The following GLT6D1 variants were observed in gnomAD, a reference collection of about 807,000 sequenced individuals.
GLT6D1 encodes the protein glycosyltransferase 6 domain containing 1.
In GLT6D1, 9 loss-of-function variants were observed where a neutral mutation model predicts 12.3. That is an observed-to-expected ratio of 0.73 (90% CI 0.44 to 1.27). GLT6D1 has a LOEUF of 1.27. Ranked by LOEUF, GLT6D1 falls within the 50% of genes most tolerant of loss-of-function variation. The probability of loss-of-function intolerance (pLI) is 0.00; values close to 1 mark genes in which losing one functional copy is unlikely to be tolerated. For missense variants in GLT6D1, 335 were observed against 346.2 expected, an observed-to-expected ratio of 0.97 and a Z score of 0.26; for synonymous variants, 128 against 132.3, an observed-to-expected ratio of 0.97 and a Z score of 0.23.
intron 3 of GLT6D1, among the ~76,000 whole-genome samples, chr9:135,631,113 G>T (rs1833635932): frequency 6.6e-6 from 1 of 152,160 alleles, no homozygotes; most frequent in Non-Finnish European, 1.5e-5. Context: ...AAAGGATGAG[G>T]CTGCCCCTGA....
chr9:135,636,792 C>A (rs1351570120), intron 2 of GLT6D1, among the ~76,000 whole-genome samples: 1 of 152,182 alleles, frequency 6.6e-6, no homozygotes, highest in African/African-American at 2.4e-5. Context: ...GCTTTTTGCA[C>A]TCAGCAATAT....
At chr9:135,630,248 A>C (rs1833610317) in intron 3 of GLT6D1, among the ~76,000 whole-genome samples, 1 of 151,574 alleles carries the variant, frequency 6.6e-6, no homozygotes, top group African/African-American at 2.4e-5. Flanking sequence ...TACTAAAAAT[A>C]CAAAAAAATT....
chr9:135,636,922 A>G (rs2184097), intron 2 of GLT6D1, among the ~76,000 whole-genome samples: 74,976 of 151,674 alleles, frequency 0.49, 19,289 homozygotes, highest in Middle Eastern at 0.62. Flanking sequence ...GCGTGATCTC[A>G]GCTCACCGCA....
chr9:135,630,640 A>T (rs1355554751), intron 3 of GLT6D1, among the ~76,000 whole-genome samples: 1 of 151,344 alleles, frequency 6.6e-6, no homozygotes, highest in Non-Finnish European at 1.5e-5. Flanking sequence ...GAATCACTTG[A>T]CCCAGGAGGC....
At chr9:135,629,170 A>G (rs4298556) in intron 3 of GLT6D1, among the ~76,000 whole-genome samples, 148,032 of 152,184 alleles carry the variant, frequency 0.97, 72,135 homozygotes, top group South Asian at 1. Context: ...AGCCTGGTCA[A>G]CACAGCAAGA....
upstream of GLT6D1, among the ~76,000 whole-genome samples, chr9:135,640,013 A>T (rs1476399227): frequency 6.6e-6 from 1 of 152,022 alleles, no homozygotes; most frequent in Non-Finnish European, 1.5e-5. Flanking sequence ...GGGTTTCATC[A>T]TGTTGGCCAG....
chr9:135,630,140 T>C (rs1165191518), intron 3 of GLT6D1, among the ~76,000 whole-genome samples: 1 of 151,796 alleles, frequency 6.6e-6, no homozygotes, highest in Non-Finnish European at 1.5e-5. Flanking sequence ...GCGTGGTGGC[T>C]CACACCTGTA....
upstream of GLT6D1, among the ~76,000 whole-genome samples, chr9:135,640,469 C>T (rs1300146884): frequency 6.6e-6 from 1 of 151,908 alleles, no homozygotes; most frequent in Non-Finnish European, 1.5e-5. Context: ...ACCTGTAATC[C>T]CAGCACTTTG....
Position 135,624,048 on chromosome 9 carries a change from G to C in GLT6D1, c.*49C>G. On this transcript the variant is annotated 3_prime_UTR_variant, in exon 5 of 5. Transcript: ENST00000371763. ...TGTGCGACCTTGACGTATTGGATCT[G>C]TGGAGGAGGAGAAAATGCAAGATCC... 8.6e-7 allele frequency: 1 copy of C among 1,164,542 alleles called. No homozygotes were observed. The highest frequency in any genetic ancestry group is 1.3e-6 in the Non-Finnish European group (1 of 789,904). 72.1% of individuals were successfully genotyped at this position (1,164,542 alleles called of 1,614,324 possible).
intron 3 of GLT6D1, among the ~76,000 whole-genome samples, chr9:135,626,964 A>C (rs1833536403): frequency 6.6e-6 from 1 of 152,208 alleles, no homozygotes; most frequent in Non-Finnish European, 1.5e-5. Context: ...ATTCATGATA[A>C]AAGCTCCCAG....
At chr9:135,639,230 AT>A in intron 1 of GLT6D1, 37 bp from the exon 2 acceptor site, 1 of 1,177,574 alleles carries the variant, frequency 8.5e-7, no homozygotes, top group Non-Finnish European at 1.3e-6. Flanking sequence ...ATTTTAAGCA[AT>A]AAAAAATGAC....
rs771846959 is a variant in GLT6D1 at position 135,624,610 on chromosome 9, G to C, written c.318C>G (p.Gly106=). The change falls in exon 5 of 5, where the codon GGC becomes GGG. Residue 106 remains glycine, a synonymous_variant. Transcript: ENST00000371763. Reference sequence around the variant, plus strand: ...CCATGATGTAGAAGATCACTCGGTAGCCTGTCATGAAGTGCTTATTTGCGG... The same window carrying C: ...CCATGATGTAGAAGATCACTCGGTACCCTGTCATGAAGTGCTTATTTGCGG... ...LHSANKHFMT[G]YRVIFYIMVD... 6.2e-7 allele frequency: 1 copy of C among 1,612,952 alleles called. No homozygotes were observed. The highest frequency in any genetic ancestry group is 1.3e-5 in the African/African-American group (1 of 74,916).
upstream of GLT6D1, among the ~76,000 whole-genome samples, chr9:135,640,055 C>T (rs939874142): frequency 1.3e-5 from 2 of 152,034 alleles, no homozygotes; most frequent in African/African-American, 4.8e-5. Context: ...TCAGGTGATC[C>T]GCCCACCTCA....
At chr9:135,631,624 C>T in intron 2 of GLT6D1, 146 bp from the exon 3 acceptor site, 1 of 692,280 alleles carries the variant, frequency 1.4e-6, no homozygotes, top group Non-Finnish European at 2.6e-6. Context: ...AGAGATATCT[C>T]AGCTGGGTGG....
chr9:135,627,944 T>C (rs1366841012), intron 3 of GLT6D1, among the ~76,000 whole-genome samples: 1 of 152,218 alleles, frequency 6.6e-6, no homozygotes, highest in Non-Finnish European at 1.5e-5. Context: ...CTAATAAAGT[T>C]GGGCATCTTT....
chr9:135,629,056 G>C (rs976378899), intron 3 of GLT6D1, among the ~76,000 whole-genome samples: 1 of 151,784 alleles, frequency 6.6e-6, no homozygotes, highest in Non-Finnish European at 1.5e-5. Context: ...CTATTTAATT[G>C]ATTTGCTCTT....
At chr9:135,626,349 C>T in intron 3 of GLT6D1, 143 bp from the exon 4 acceptor site, 1 of 806,532 alleles carries the variant, frequency 1.2e-6, no homozygotes, top group Non-Finnish European at 2.0e-6. Context: ...TGGATTCATC[C>T]TTGCAACGCC....
At chr9:135,637,228 A>C (rs887526964) in intron 2 of GLT6D1, among the ~76,000 whole-genome samples, 2 of 150,440 alleles carry the variant, frequency 1.3e-5, no homozygotes, top group Non-Finnish European at 3.0e-5. Flanking sequence ...CTCCTATTGA[A>C]AGTCGTCTTG....
At chr9:135,631,003 AT>A (rs1833634130) in intron 3 of GLT6D1, among the ~76,000 whole-genome samples, 1 of 149,114 alleles carries the variant, frequency 6.7e-6, no homozygotes. Flanking sequence ...GACGGGTTAC[AT>A]TTAGTCACCA....
Sources: allele counts gnomAD v4.1 joint callset (sites outside exome capture counted in the v4.1 genomes callset), GRCh38; gene constraint gnomAD v4.1.1; transcripts MANE v1.5; gene names NCBI Gene and HGNC (gene_info 2026-07-23, HGNC 2026-07-21).